The following WRN variants were observed in gnomAD, a reference collection of about 807,000 sequenced individuals.
The protein encoded by WRN is bifunctional 3'-5' exonuclease/ATP-dependent helicase WRN.
In WRN, 149 loss-of-function variants were observed where a neutral mutation model predicts 180.7. That is an observed-to-expected ratio of 0.82 (90% CI 0.72 to 0.94). WRN has a LOEUF of 0.94. Among genes scored for constraint, WRN ranks in the 40% least tolerant of loss-of-function variants. The pLI is 0.00. For synonymous variants in WRN, 548 were observed against 568.9 expected (o/e 0.96, Z 0.52); for missense variants, 1,661 against 1,700.1 (o/e 0.98, Z 0.40).
rs150843495 is a variant in WRN at position 31,068,829 on chromosome 8, A to T, written c.724+502A>T. Among the ~76,000 whole-genome samples, 359 of 152,212 alleles carry T rather than the reference A, an allele frequency of 2.4e-3. 4 individuals carry two copies. Among genetic ancestry groups the T allele is most frequent in the Non-Finnish European group, 2.3e-3 (158 of 68,004 alleles). On this transcript the variant is annotated intron_variant, in intron 7 of 34. Transcript: ENST00000298139. ...TTTACATTTCTAATTTTCTTCTGTC[A>T]TTTTTCTCCAAAAATAATGGTCATG... is the stretch of plus-strand genomic sequence containing the variant.
At chr8:31,119,878 T>C (rs1008692505) in intron 20 of WRN, 16 of 212,886 alleles carry the variant, frequency 7.5e-5, no homozygotes, top group Middle Eastern at 1.7e-3. Flanking sequence ...TAGATTAATA[T>C]TAGAGAATGT....
At chr8:31,059,035 C>A in intron 2 of WRN, 118 bp from the exon 3 acceptor site, 1 of 813,042 alleles carries the variant, frequency 1.2e-6, no homozygotes, top group Non-Finnish European at 2.1e-6. Flanking sequence ...GTTTATAAAA[C>A]ATTAATTGAT....
At chr8:31,042,671 T>A (rs914309546) in intron 1 of WRN, among the ~76,000 whole-genome samples, 1 of 152,184 alleles carries the variant, frequency 6.6e-6, no homozygotes, top group Non-Finnish European at 1.5e-5. Context: ...CTTTGTCTAG[T>A]TTTACCTTTT....
At chr8:31,168,449 C>G (rs900519145) in intron 34 of WRN, among the ~76,000 whole-genome samples, 1 of 149,172 alleles carries the variant, frequency 6.7e-6, no homozygotes. Flanking sequence ...TTTGCTTTTT[C>G]CCTATTTCAG....
chr8:31,073,036 G>C (rs1054184853), intron 7 of WRN, among the ~76,000 whole-genome samples: 1 of 152,214 alleles, frequency 6.6e-6, no homozygotes, highest in African/African-American at 2.4e-5. Flanking sequence ...GGCCTCGTAG[G>C]CTGTGAATCT....
At chr8:31,122,233 A>T (rs1446828661) in intron 21 of WRN, among the ~76,000 whole-genome samples, 1 of 152,002 alleles carries the variant, frequency 6.6e-6, no homozygotes, top group Non-Finnish European at 1.5e-5. Context: ...AAACTATAGG[A>T]TTAATCAGGA....
intron 30 of WRN, among the ~76,000 whole-genome samples, chr8:31,149,128 G>A (rs1182505573): frequency 6.6e-6 from 1 of 152,114 alleles, no homozygotes; most frequent in African/African-American, 2.4e-5. Context: ...CGGGCGCTGT[G>A]GCTCACGCTT....
chr8:31,090,198 A>G (rs1416010403), intron 13 of WRN, among the ~76,000 whole-genome samples: 2 of 150,420 alleles, frequency 1.3e-5, no homozygotes, highest in Non-Finnish European at 3.0e-5. Context: ...ATTCTTTTGG[A>G]TATCTAGTAT....
At chr8:31,131,318 G>T (rs1585500403) in intron 23 of WRN, among the ~76,000 whole-genome samples, 2 of 151,906 alleles carry the variant, frequency 1.3e-5, no homozygotes, top group South Asian at 4.2e-4. Flanking sequence ...ACCATGCCTG[G>T]CTAATTTTTG....
chr8:31,163,479 G>T (rs1803717184), intron 33 of WRN, among the ~76,000 whole-genome samples: 1 of 152,036 alleles, frequency 6.6e-6, no homozygotes, highest in South Asian at 2.1e-4. Flanking sequence ...AACTGAACAA[G>T]TTTCTCTTTT....
Position 31,132,515 on chromosome 8 carries a change from A to T in WRN, c.2967+9A>T, listed in dbSNP as rs191652531. 6.1e-5 allele frequency: 98 copies of T among 1,614,128 alleles called. No individual in the cohort carries two copies. In the African/African-American group the frequency reaches 1.3e-3, roughly 21 times the overall value. ...TATTTCTCCGAGGATCTGTAAGTAT[A>T]TATCTGTGAATTCCCTTCATAGATC... On this transcript the variant is annotated intron_variant, in intron 24 of 34. Transcript: ENST00000298139.
chr8:31,087,466 A>G (rs1205377587), intron 11 of WRN, among the ~76,000 whole-genome samples: 1 of 152,234 alleles, frequency 6.6e-6, no homozygotes, highest in East Asian at 1.9e-4. Flanking sequence ...TTGAGGTGCA[A>G]TAAAGAATAA....
intron 7 of WRN, among the ~76,000 whole-genome samples, chr8:31,072,826 A>G (rs56037788): frequency 0.076 from 11,564 of 152,216 alleles, 491 homozygotes; most frequent in African/African-American, 0.13. Context: ...ATGCCCCTTC[A>G]TTTCCTTTGG....
At chr8:31,108,586 A>G (rs1269931841) in intron 18 of WRN, among the ~76,000 whole-genome samples, 1 of 152,120 alleles carries the variant, frequency 6.6e-6, no homozygotes, top group Non-Finnish European at 1.5e-5. Flanking sequence ...AATACATTTA[A>G]GATTATAAGT....
In WRN at chr8:31,064,450, T is replaced by G. The variant is rs2130033449; in HGVS notation, c.355+16T>G. 2.5e-6 allele frequency: 4 copies of G among 1,614,022 alleles called. No homozygotes were observed. Among genetic ancestry groups the G allele is most frequent in the Non-Finnish European group, 3.4e-6 (4 of 1,179,940 alleles). On this transcript the variant is annotated intron_variant, in intron 4 of 34. Transcript: ENST00000298139. ...TCCATGTCAGGTTGGTATCTCTACA[T>G]TTCATTTTTATATGGCTGATAATTG...
chr8:31,142,515 G>A (rs1003369293), intron 26 of WRN, 111 bp from the exon 27 acceptor site: 3 of 819,904 alleles, frequency 3.7e-6, no homozygotes, highest in African/African-American at 1.8e-5. Flanking sequence ...AGAATCACCA[G>A]TTCTAAAAGG....
chr8:31,132,350 A>G lies in WRN; in HGVS notation c.2826-15A>G, dbSNP rs1802211919. 3.7e-6 allele frequency: 6 copies of G among 1,612,420 alleles called. No individual in the cohort carries two copies. Among genetic ancestry groups the G allele is most frequent in the South Asian group, 1.1e-5 (1 of 90,622 alleles). On this transcript the variant is annotated splice_polypyrimidine_tract_variant and intron_variant, in intron 23 of 34. Transcript: ENST00000298139. Reference sequence around the variant, plus strand: ...CTTTGCTAAGCTTTCTTCAAATGTTATTATTTTTATTTAGATTGGATCATT... The same window carrying G: ...CTTTGCTAAGCTTTCTTCAAATGTTGTTATTTTTATTTAGATTGGATCATT...
intron 33 of WRN, among the ~76,000 whole-genome samples, chr8:31,163,047 TAC>T (rs1304086431): frequency 1.3e-5 from 2 of 152,226 alleles, no homozygotes; most frequent in Non-Finnish European, 2.9e-5. Context: ...AAATATATCT[TAC>T]AGAGGCATAC....
chr8:31,165,733 C>T (rs545048413), intron 33 of WRN, among the ~76,000 whole-genome samples: 1 of 152,052 alleles, frequency 6.6e-6, no homozygotes, highest in South Asian at 2.1e-4. Context: ...TGGTTCCAAA[C>T]ATATTTTAAA....
Sources: allele counts gnomAD v4.1 joint callset (sites outside exome capture counted in the v4.1 genomes callset), GRCh38; gene constraint gnomAD v4.1.1; transcripts MANE v1.5; gene names NCBI Gene and HGNC (gene_info 2026-07-23, HGNC 2026-07-21).